SH2D4B: variants seen among roughly 807,000 people sequenced by gnomAD.
SH2D4B encodes the protein SH2 domain containing 4B, also known as SH2 domain-containing protein 4B.
Under a neutral mutation model 61.5 loss-of-function variants are expected in SH2D4B, and 45 were observed. That is an observed-to-expected ratio of 0.73 (90% CI 0.58 to 0.94). The LOEUF is 0.94. SH2D4B is among the 40% of genes least tolerant of loss of function. The pLI, the probability that SH2D4B is intolerant of heterozygous loss-of-function variation, is 0.00. For synonymous variants in SH2D4B, 224 were observed against 220.4 expected, an observed-to-expected ratio of 1.02 and a Z score of -0.14; for missense variants, 572 against 574.2, an observed-to-expected ratio of 1.00 and a Z score of 0.04.
intron 3 of SH2D4B, among the ~76,000 whole-genome samples, chr10:80,572,155 T>C (rs1842055993): frequency 6.6e-6 from 1 of 152,072 alleles, no homozygotes; most frequent in African/African-American, 2.4e-5. Flanking sequence ...ATAGTAGTGG[T>C]TAGGGATAGA....
intron 5 of SH2D4B, among the ~76,000 whole-genome samples, chr10:80,609,050 C>G (rs555243846): frequency 1.3e-5 from 2 of 152,126 alleles, no homozygotes; most frequent in African/African-American, 4.8e-5. Context: ...TGGCCGTGCT[C>G]GAGGGAAAAT....
chr10:80,559,092 G>T (rs2132111061), intron 1 of SH2D4B, among the ~76,000 whole-genome samples: 1 of 151,624 alleles, frequency 6.6e-6, no homozygotes, highest in East Asian at 1.9e-4. Context: ...GGTATGCCAG[G>T]CAGTTTCTTA....
chr10:80,548,243 C>T (rs1294658066), intron 1 of SH2D4B, among the ~76,000 whole-genome samples: 1 of 152,226 alleles, frequency 6.6e-6, no homozygotes, highest in Non-Finnish European at 1.5e-5. Flanking sequence ...CAGCTCACTG[C>T]AACCTCCGCC....
At chr10:80,617,418 A>C (rs1306574845) in intron 6 of SH2D4B, among the ~76,000 whole-genome samples, 1 of 152,228 alleles carries the variant, frequency 6.6e-6, no homozygotes, top group Non-Finnish European at 1.5e-5. Context: ...CAATTAGGGT[A>C]AAACAGGGAA....
At chr10:80,541,780 G>C (rs11185951) in intron 1 of SH2D4B, among the ~76,000 whole-genome samples, 15,701 of 152,146 alleles carry the variant, frequency 0.1, 1,060 homozygotes, top group Non-Finnish European at 0.15. Context: ...AATCATTCTC[G>C]TTTACAGAAC....
intron 7 of SH2D4B, among the ~76,000 whole-genome samples, chr10:80,636,681 T>C (rs961200901): frequency 6.6e-6 from 1 of 152,230 alleles, no homozygotes; most frequent in Non-Finnish European, 1.5e-5. Flanking sequence ...TTAAGTTCTC[T>C]GTAGATTCTG....
intron 1 of SH2D4B, among the ~76,000 whole-genome samples, chr10:80,546,692 AT>A (rs1019889122): frequency 2.0e-5 from 3 of 150,342 alleles, no homozygotes; most frequent in Non-Finnish European, 4.4e-5. Context: ...CGCCCGGCTA[AT>A]TTTTTTTGTA....
At chr10:80,577,074 A>G (rs1842134067) in intron 3 of SH2D4B, among the ~76,000 whole-genome samples, 2 of 152,160 alleles carry the variant, frequency 1.3e-5, no homozygotes, top group Admixed American at 6.5e-5. Flanking sequence ...GACTGATACA[A>G]CTTTTGAGGA....
At chr10:80,559,910 C>T (rs761772028) in intron 1 of SH2D4B, among the ~76,000 whole-genome samples, 3 of 151,428 alleles carry the variant, frequency 2.0e-5, no homozygotes, top group Admixed American at 6.6e-5. Context: ...AGTGGTTCTG[C>T]ATTTTTAAAA....
chr10:80,586,247 T>A (rs1193101965), intron 3 of SH2D4B, among the ~76,000 whole-genome samples: 1 of 152,076 alleles, frequency 6.6e-6, no homozygotes, highest in Non-Finnish European at 1.5e-5. Flanking sequence ...ACCCAAGAGC[T>A]GAGGAGTGTG....
At chr10:80,542,920 C>T (rs1308413802) in intron 1 of SH2D4B, among the ~76,000 whole-genome samples, 1 of 152,212 alleles carries the variant, frequency 6.6e-6, no homozygotes, top group Non-Finnish European at 1.5e-5. Context: ...ACTGTCCTGC[C>T]CTCATTCCAG....
chr10:80,538,644 T>G lies in SH2D4B; in HGVS notation c.184+129T>G. 1.3e-6 allele frequency: 1 copy of G among 781,226 alleles called. No homozygotes were observed. The allele number at this position is 781,226 out of a possible 1,614,324, so 48.4% of individuals were successfully genotyped here. On this transcript the variant is annotated intron_variant, in intron 1 of 7. Transcript: ENST00000646907. The surrounding 1 kb of genome is among the most constrained non-coding windows in gnomAD (Gnocchi z 4.8). Reference sequence around the variant, plus strand: ...ATGAGGGCTGGGGGCTTGAAACCCTTGTCTTGTGGGCATCAGGTCCCATGA... The same window carrying G: ...ATGAGGGCTGGGGGCTTGAAACCCTGGTCTTGTGGGCATCAGGTCCCATGA...
rs1421378214 is a variant in SH2D4B, at chr10:80,645,052, A to G, written c.*967A>G. 2.6e-5 allele frequency: 4 copies of G among 152,234 alleles called. No individual in the cohort carries two copies. Among genetic ancestry groups the G allele is most frequent in the African/African-American group, 4.8e-5 (2 of 41,460 alleles). The allele number at this position is 152,234 out of a possible 1,614,324, so 9.4% of individuals were successfully genotyped here. A position where few individuals can be genotyped will look rare whatever the true frequency, so the allele number is the denominator to read the frequency against. ...ATACTTGTGTTCCACAGTTATGGCC[A>G]TATACACAGAGGTAGTATATGATGA... On this transcript the variant is annotated 3_prime_UTR_variant, in exon 8 of 8. Coordinates refer to ENST00000646907, the MANE Select transcript of SH2D4B (RefSeq NM_001388272.1).
intron 6 of SH2D4B, among the ~76,000 whole-genome samples, chr10:80,621,626 G>T (rs1008090611): frequency 6.6e-6 from 1 of 152,152 alleles, no homozygotes; most frequent in Non-Finnish European, 1.5e-5. Flanking sequence ...CTGGGTATAG[G>T]GAGAGCTCAC....
At chr10:80,606,552 T>C (rs919974683) in intron 5 of SH2D4B, among the ~76,000 whole-genome samples, 1 of 152,186 alleles carries the variant, frequency 6.6e-6, no homozygotes, top group Non-Finnish European at 1.5e-5. Context: ...TTCACCATGT[T>C]GGCCAGGCTG....
intron 4 of SH2D4B, among the ~76,000 whole-genome samples, chr10:80,599,413 A>G (rs1842419981): frequency 6.6e-6 from 1 of 152,166 alleles, no homozygotes; most frequent in Non-Finnish European, 1.5e-5. Context: ...AACTCAGAAT[A>G]ATGCTAGCCT....
chr10:80,612,182 C>CTTTTTTTT lies in SH2D4B; in HGVS notation c.988+2640_988+2647dup, dbSNP rs796771295. ...CAGCCCGGGACCTCCCCCACTCCTG[C>CTTTTTTTT]TTTTTTTTTTTTTTTTCAACTTTAC... On this transcript the variant is annotated intron_variant, in intron 6 of 7. Coordinates refer to ENST00000646907, the MANE Select transcript of SH2D4B (RefSeq NM_001388272.1). Among the ~76,000 whole-genome samples, 304 of 62,934 alleles carry CTTTTTTTT rather than the reference C, an allele frequency of 4.8e-3. 38 individuals are homozygous for CTTTTTTTT. The highest frequency in any genetic ancestry group is 0.022 in the East Asian group (22 of 1,010). The allele number at this position is 62,934 out of a possible 152,430, so 41.3% of individuals were successfully genotyped here.
At chr10:80,555,164 C>T (rs1356303079) in intron 1 of SH2D4B, among the ~76,000 whole-genome samples, 1 of 152,114 alleles carries the variant, frequency 6.6e-6, no homozygotes, top group Non-Finnish European at 1.5e-5. Flanking sequence ...AGTGTGCTTC[C>T]GCTATGAGAG....
chr10:80,631,533 G>A (rs889964775), intron 6 of SH2D4B, among the ~76,000 whole-genome samples: 1 of 152,190 alleles, frequency 6.6e-6, no homozygotes, highest in African/African-American at 2.4e-5. Flanking sequence ...ATAGGCATGA[G>A]CCACCACACC....
Sources: gnomAD v4.1 joint callset for allele counts (sites outside exome capture counted in the v4.1 genomes callset) on GRCh38, gnomAD v4.1.1 for gene constraint, Gnocchi (gnomAD v3.1) non-coding constraint, MANE v1.5 for transcripts, NCBI Gene and HGNC (gene_info 2026-07-23, HGNC 2026-07-21) for gene names.